RARB: variants seen among roughly 807,000 people sequenced by gnomAD.
RARB encodes HBV-activated protein.
RARB carries 17 observed loss-of-function variants against 51.9 expected under a neutral mutation model. The ratio of observed to expected loss-of-function variants is 0.33; its 90% CI spans 0.22 to 0.49. RARB has a LOEUF of 0.49. Among genes scored for constraint, RARB ranks in the 20% least tolerant of loss-of-function variants. The pLI is 0.99. For synonymous variants in RARB, 215 were observed against 195.4 expected (o/e 1.10, Z -0.84); for missense variants, 369 against 550.8 (o/e 0.67, Z 3.30).
chr3:25,472,116 C>G (rs959171394), intron 2 of RARB, among the ~76,000 whole-genome samples: 2 of 152,182 alleles, frequency 1.3e-5, no homozygotes, highest in African/African-American at 4.8e-5. Context: ...TAAATTAAGC[C>G]AGGCTTAGCT....
At chr3:24,987,352 GTAGTT>G (rs1412596275) in intron 2 of RARB, among the ~76,000 whole-genome samples, 1 of 152,168 alleles carries the variant, frequency 6.6e-6, no homozygotes, top group Non-Finnish European at 1.5e-5. Flanking sequence ...TAATGGGAAA[GTAGTT>G]TAGTGACTAT....
chr3:25,596,645 C>T lies in RARB; in HGVS notation c.*29C>T, dbSNP rs369611883. ...ATTTTCTAGCTACTTCAAACATTCCCCAGTACCTTCAGTTCCAGGATTTAA... is the reference window on the plus strand; with the variant it reads ...ATTTTCTAGCTACTTCAAACATTCCTCAGTACCTTCAGTTCCAGGATTTAA... On this transcript the variant is annotated 3_prime_UTR_variant, in exon 8 of 8. Coordinates refer to ENST00000330688, the MANE Select transcript of RARB (RefSeq NM_000965.5). 5.0e-5 allele frequency: 75 copies of T among 1,504,880 alleles called. No homozygotes were observed. In the African/African-American group the frequency reaches 9.0e-4, roughly 18 times the overall value. The allele number at this position is 1,504,880 out of a possible 1,614,324, so 93.2% of individuals were successfully genotyped here.
intron 5 of RARB, among the ~76,000 whole-genome samples, chr3:25,587,275 G>A (rs941329867): frequency 6.6e-6 from 1 of 151,908 alleles, no homozygotes; most frequent in African/African-American, 2.4e-5. Context: ...GAGCTGCTAG[G>A]CAATAGCACC....
At chr3:25,573,548 T>C (rs980693320) in intron 4 of RARB, among the ~76,000 whole-genome samples, 1 of 152,212 alleles carries the variant, frequency 6.6e-6, no homozygotes, top group Non-Finnish European at 1.5e-5. Context: ...GTGCTCTTCA[T>C]TTGTACTATC....
In RARB at chr3:25,222,388, C is replaced by T. The variant is rs113138251; in HGVS notation, c.178+47813C>T. 5.6e-3 allele frequency among the ~76,000 whole-genome samples: 859 copies of T among 152,212 alleles called. 13 individuals carry two copies. Among genetic ancestry groups the T allele is most frequent in the African/African-American group, 0.018 (756 of 41,522 alleles). The stretch of plus-strand genomic sequence containing the variant: ...CAAGGATGTTTGACTTTCATTTCTT[C>T]GGGTACGTAACTGAGTCACTTGGTT... On this transcript the variant is annotated intron_variant, in intron 5 of 11. Coordinates refer to the RARB transcript ENST00000383772.
At chr3:25,290,675 T>C (rs1417032475) in intron 5 of RARB, among the ~76,000 whole-genome samples, 6 of 152,212 alleles carry the variant, frequency 3.9e-5, no homozygotes. Context: ...GTGATCCTGC[T>C]CATGCAATTC....
chr3:25,344,650 C>G (rs1420458778), intron 5 of RARB, among the ~76,000 whole-genome samples: 1 of 152,222 alleles, frequency 6.6e-6, no homozygotes, highest in Non-Finnish European at 1.5e-5. Context: ...AACATTGACA[C>G]AGCTTGGCAA....
At chr3:25,376,356 T>G (rs1706458689) in intron 5 of RARB, among the ~76,000 whole-genome samples, 4 of 152,196 alleles carry the variant, frequency 2.6e-5, no homozygotes, top group Non-Finnish European at 5.9e-5. Context: ...CAAGTCCAAT[T>G]TGTCTCAAAA....
intron 2 of RARB, among the ~76,000 whole-genome samples, chr3:25,475,172 G>C (rs1382677545): frequency 6.6e-6 from 1 of 152,138 alleles, no homozygotes; most frequent in African/African-American, 2.4e-5. Flanking sequence ...ATACCTAAAA[G>C]AGTATTTTTG....
At chr3:25,386,915 T>C (rs1400537235) in intron 5 of RARB, among the ~76,000 whole-genome samples, 1 of 152,196 alleles carries the variant, frequency 6.6e-6, no homozygotes, top group Non-Finnish European at 1.5e-5. Flanking sequence ...AAGCCTGAAA[T>C]TTCATTCTGT....
intron 4 of RARB, among the ~76,000 whole-genome samples, chr3:25,575,249 C>T (rs2125296459): frequency 6.6e-6 from 1 of 152,334 alleles, no homozygotes; most frequent in Admixed American, 6.5e-5. Context: ...ATAACGCTCG[C>T]TCCTGGCCAC....
intron 2 of RARB, among the ~76,000 whole-genome samples, chr3:24,894,554 T>C (rs572064662): frequency 6.6e-6 from 1 of 152,342 alleles, no homozygotes. Flanking sequence ...TTTGCTATTG[T>C]GAACAGTGTT....
intron 3 of RARB, among the ~76,000 whole-genome samples, chr3:25,554,396 C>G (rs756948308): frequency 2.0e-5 from 3 of 152,006 alleles, no homozygotes; most frequent in African/African-American, 7.2e-5. Context: ...AGGTTAAACC[C>G]GGCCCACTGC....
chr3:25,582,052 C>T (rs1483412273), intron 5 of RARB, among the ~76,000 whole-genome samples: 1 of 152,064 alleles, frequency 6.6e-6, no homozygotes, highest in South Asian at 2.1e-4. Context: ...CCAGGCCTAA[C>T]AGGATGTAAA....
intron 2 of RARB, among the ~76,000 whole-genome samples, chr3:24,895,675 G>C (rs780912322): frequency 2.0e-5 from 3 of 151,008 alleles, no homozygotes; most frequent in Admixed American, 6.6e-5. Context: ...TCTTTAAAAA[G>C]AGACTGTGAA....
intron 5 of RARB, among the ~76,000 whole-genome samples, chr3:25,581,791 G>T (rs1701188597): frequency 6.6e-6 from 1 of 152,096 alleles, no homozygotes; most frequent in African/African-American, 2.4e-5. Flanking sequence ...TTCTTGTGAG[G>T]ATATAGCAGG....
intron 5 of RARB, among the ~76,000 whole-genome samples, chr3:25,204,778 C>G (rs943731059): frequency 2.7e-4 from 41 of 152,164 alleles, no homozygotes; most frequent in African/African-American, 9.4e-4. Context: ...CTGAATGTTC[C>G]TCTGGAAGTT....
intron 4 of RARB, among the ~76,000 whole-genome samples, chr3:25,134,973 C>A (rs1244027034): frequency 6.6e-6 from 1 of 151,738 alleles, no homozygotes; most frequent in Non-Finnish European, 1.5e-5. Context: ...CTTATGATGC[C>A]ACTGTTTAAA....
intron 4 of RARB, among the ~76,000 whole-genome samples, chr3:25,570,136 G>A (rs1467211468): frequency 3.3e-5 from 5 of 152,332 alleles, no homozygotes; most frequent in South Asian, 2.1e-4. Context: ...GCTGAGTGCC[G>A]CCTCACTGCA....
Sources: gnomAD v4.1 joint callset for allele counts (sites outside exome capture counted in the v4.1 genomes callset) on GRCh38, gnomAD v4.1.1 for gene constraint, MANE v1.5 for transcripts, NCBI Gene and HGNC (gene_info 2026-07-23, HGNC 2026-07-21) for gene names.